Variants in XRN1 observed in about 807,000 individuals in gnomAD.
The protein encoded by XRN1 is 5'-3' exoribonuclease 1.
In XRN1, 67 loss-of-function variants were observed where a neutral mutation model predicts 222.3. The ratio of observed to expected loss-of-function variants is 0.30; its 90% CI spans 0.25 to 0.37. The LOEUF is 0.37. Among genes scored for constraint, XRN1 ranks in the 10% least tolerant of loss-of-function variants. XRN1 has a pLI of 1.00. For synonymous variants in XRN1, 643 were observed against 652.4 expected, an observed-to-expected ratio of 0.99 and a Z score of 0.22; for missense variants, 1,707 against 2,000.2, an observed-to-expected ratio of 0.85 and a Z score of 2.80.
At chr3:142,347,147 A>G (rs1281693192) in intron 33 of XRN1, 87 bp downstream of exon 33, 7 of 954,952 alleles carry the variant, frequency 7.3e-6, no homozygotes, top group Non-Finnish European at 9.5e-6. Context: ...AATTTACTTT[A>G]TGGTATGTAA....
chr3:142,311,558 A>T lies in XRN1; in HGVS notation c.5038T>A (p.Ser1680Thr). Reference protein sequence around the residue: ...STPISSSRRKSRKLAVNFGVS... With the variant: ...STPISSSRRKTRKLAVNFGVS... The stretch of plus-strand genomic sequence containing the variant: ...CCAAAATTAACAGCCAGTTTTCTTG[A>T]TTTTCTTCTTGAAGAAGAGATTGGT... Residue 1680 changes from serine (S) to threonine (T), a missense_variant, in exon 41 of 41, where the codon TCA (serine) becomes ACA (threonine). Around this residue, in one of 2 missense-constraint regions of XRN1, gnomAD observed 473 missense variants for 482.0 expected, o/e 0.98. Coordinates refer to ENST00000392981, the MANE Select transcript of XRN1 (RefSeq NM_001282857.2). 6.2e-7 allele frequency: 1 copy of T among 1,610,978 alleles called. No individual in the cohort carries two copies.
Position 142,425,312 on chromosome 3 carries a change from A to G in XRN1, c.537T>C (p.His179=). The change falls in exon 5 of 41, where the codon CAT becomes CAC. Residue 179 remains histidine, a synonymous_variant. Coordinates refer to ENST00000392981, the MANE Select transcript of XRN1 (RefSeq NM_001282857.2). The stretch of plus-strand genomic sequence containing the variant: ...CGGATCTGATAAATTCCATGATTTT[A>G]TGCTCTCCTTCTCCAGGAGTCTAAA... The part of the protein sequence containing the change: ...SGHETPGEGE[H]KIMEFIRSEK... 1 of 1,607,564 alleles carries G rather than the reference A, an allele frequency of 6.2e-7. No homozygotes were observed. Among genetic ancestry groups the G allele is most frequent in the Non-Finnish European group, 8.5e-7 (1 of 1,176,960 alleles).
intron 25 of XRN1, among the ~76,000 whole-genome samples, chr3:142,373,080 G>A (rs1426396829): frequency 2.0e-5 from 3 of 151,912 alleles, no homozygotes; most frequent in African/African-American, 7.3e-5. Flanking sequence ...AATCAAACAG[G>A]AGGAAAAAAA....
chr3:142,381,204 T>C (rs1217872144), intron 22 of XRN1, among the ~76,000 whole-genome samples: 1 of 152,154 alleles, frequency 6.6e-6, no homozygotes. Context: ...ATGTGTGTAT[T>C]TACTTATACA....
rs75719155 is a variant in XRN1 at position 142,406,253 on chromosome 3, C to G, written c.1714-1177G>C. 5.1e-3 allele frequency among the ~76,000 whole-genome samples: 782 copies of G among 152,236 alleles called. 9 individuals carry two copies. Among genetic ancestry groups the G allele is most frequent in the African/African-American group, 0.018 (760 of 41,554 alleles). The stretch of plus-strand genomic sequence containing the variant: ...AGGTTGCCAAGAACACACAACAGGG[C>G]AAGGATTGCCTCTTCAATAAATGGT... On this transcript the variant is annotated intron_variant, in intron 15 of 40. Transcript: ENST00000392981.
intron 20 of XRN1, among the ~76,000 whole-genome samples, chr3:142,396,456 T>C (rs2067936047): frequency 6.6e-6 from 1 of 152,242 alleles, no homozygotes; most frequent in Non-Finnish European, 1.5e-5. Flanking sequence ...TTTATTTATA[T>C]GCTACAAAAG....
intron 32 of XRN1, among the ~76,000 whole-genome samples, chr3:142,353,127 C>T (rs2066360548): frequency 6.6e-6 from 1 of 152,080 alleles, no homozygotes; most frequent in Non-Finnish European, 1.5e-5. Context: ...AACCAACTAC[C>T]AGCATAAAGT....
intron 27 of XRN1, 38 bp downstream of exon 27, chr3:142,370,447 A>T: frequency 1.3e-6 from 2 of 1,578,852 alleles, no homozygotes; most frequent in Non-Finnish European, 1.7e-6. Flanking sequence ...ATTTAATTCC[A>T]AATCTCATCA....
chr3:142,339,470 C>T (rs1244881540), intron 33 of XRN1, among the ~76,000 whole-genome samples: 1 of 152,146 alleles, frequency 6.6e-6, no homozygotes, highest in Non-Finnish European at 1.5e-5. Context: ...TACAAACAAG[C>T]CCAGACTTTG....
intron 25 of XRN1, among the ~76,000 whole-genome samples, chr3:142,373,878 A>C (rs1025054222): frequency 3.3e-5 from 5 of 152,170 alleles, no homozygotes; most frequent in East Asian, 1.9e-4. Context: ...GCTACTCGGG[A>C]GGCTGAGGTA....
chr3:142,340,819 C>T (rs1403156351), intron 33 of XRN1, among the ~76,000 whole-genome samples: 1 of 152,102 alleles, frequency 6.6e-6, no homozygotes, highest in African/African-American at 2.4e-5. Context: ...AATAGTATAT[C>T]TGACAAAAAA....
At chr3:142,444,104 G>A (rs1227219807) in intron 1 of XRN1, among the ~76,000 whole-genome samples, 5 of 152,204 alleles carry the variant, frequency 3.3e-5, no homozygotes, top group Non-Finnish European at 5.9e-5. Context: ...GGGAGTCAGG[G>A]GAGAGGTGGG....
At chr3:142,334,060 T>C (rs1224020055) in intron 34 of XRN1, among the ~76,000 whole-genome samples, 1 of 152,210 alleles carries the variant, frequency 6.6e-6, no homozygotes, top group East Asian at 1.9e-4. Flanking sequence ...TAATTGTATA[T>C]CAGTATAACT....
intron 36 of XRN1, among the ~76,000 whole-genome samples, chr3:142,330,595 T>G (rs1336078497): frequency 8.0e-6 from 1 of 125,066 alleles, no homozygotes; most frequent in African/African-American, 4.9e-5. Flanking sequence ...GCCTATGAGT[T>G]TTTTTTTTTT....
intron 37 of XRN1, among the ~76,000 whole-genome samples, chr3:142,324,814 T>C (rs2065471226): frequency 6.6e-6 from 1 of 152,154 alleles, no homozygotes; most frequent in East Asian, 1.9e-4. Flanking sequence ...GGTATCTCAT[T>C]GTGGTTTTGA....
chr3:142,416,207 T>C (rs1438017821), intron 13 of XRN1, among the ~76,000 whole-genome samples: 3 of 152,176 alleles, frequency 2.0e-5, no homozygotes, highest in Non-Finnish European at 4.4e-5. Context: ...GACAGAGTCT[T>C]GTTCTGCTGC....
intron 40 of XRN1, among the ~76,000 whole-genome samples, chr3:142,312,084 C>T (rs946766559): frequency 2.0e-5 from 3 of 151,924 alleles, no homozygotes; most frequent in South Asian, 2.1e-4. Flanking sequence ...ACCTAGGGTT[C>T]GAGACCATGG....
chr3:142,351,889 A>T (rs2066316406), intron 32 of XRN1, among the ~76,000 whole-genome samples: 1 of 151,254 alleles, frequency 6.6e-6, no homozygotes, highest in African/African-American at 2.4e-5. Context: ...GAGAAGAAGA[A>T]CATTTTTTTT....
intron 33 of XRN1, among the ~76,000 whole-genome samples, chr3:142,343,103 A>T (rs75494006): frequency 0.018 from 2,815 of 152,314 alleles, 45 homozygotes; most frequent in East Asian, 0.071. Context: ...TCTCATTAAA[A>T]AATGAGCAAA....
Sources: gnomAD v4.1 joint callset for allele counts (sites outside exome capture counted in the v4.1 genomes callset) on GRCh38, gnomAD v4.1.1 for gene constraint, gnomAD v4.1.1 regional missense constraint, MANE v1.5 for transcripts, NCBI Gene and HGNC (gene_info 2026-07-23, HGNC 2026-07-21) for gene names.